The following PDGFC variants were observed in gnomAD, a reference collection of about 807,000 sequenced individuals.
PDGFC encodes platelet derived growth factor C, also known as platelet-derived growth factor C.
Under a neutral mutation model 35.5 loss-of-function variants are expected in PDGFC, and 12 were observed. That is an observed-to-expected ratio of 0.34 (90% CI 0.22 to 0.55). PDGFC has a LOEUF of 0.55. Ranked by LOEUF, PDGFC falls within the 20% of genes least tolerant of loss-of-function variation. PDGFC has a pLI of 0.91. For synonymous variants in PDGFC, 159 were observed against 148.8 expected (o/e 1.07, Z -0.50); for missense variants, 322 against 412.4 (o/e 0.78, Z 1.90).
rs184472312 is a variant in PDGFC, at chr4:156,939,656, C to T, written c.118+31130G>A. 2.0e-5 allele frequency among the ~76,000 whole-genome samples: 3 copies of T among 152,086 alleles called. No homozygotes were observed. In the East Asian group the frequency reaches 5.8e-4, roughly 29 times the overall value. On this transcript the variant is annotated intron_variant, in intron 1 of 5. Transcript: ENST00000502773. ...AAATTGTGGCTTGTTACATAAAATG[C>T]CTTTCAAAATCAAGTTGACATCAAT...
chr4:156,904,887 T>C (rs1297172086), intron 1 of PDGFC, among the ~76,000 whole-genome samples: 1 of 152,152 alleles, frequency 6.6e-6, no homozygotes, highest in East Asian at 1.9e-4. Context: ...AATTGATATG[T>C]TGTTTGCTGC....
At chr4:156,847,115 T>C (rs1181597497) in intron 2 of PDGFC, among the ~76,000 whole-genome samples, 2 of 151,734 alleles carry the variant, frequency 1.3e-5, no homozygotes, top group Non-Finnish European at 3.0e-5. Flanking sequence ...AAATAATATA[T>C]GCATATACCC....
chr4:156,895,457 C>T (rs1035401789), intron 1 of PDGFC, among the ~76,000 whole-genome samples: 3 of 151,848 alleles, frequency 2.0e-5, no homozygotes, highest in Admixed American at 1.3e-4. Context: ...ACATGGTAAA[C>T]CCCATCTCTA....
At chr4:156,815,597 G>C (rs1732066416) in intron 2 of PDGFC, among the ~76,000 whole-genome samples, 2 of 152,076 alleles carry the variant, frequency 1.3e-5, no homozygotes, top group Non-Finnish European at 2.9e-5. Context: ...AGAAAACAAT[G>C]ATGAAAAATG....
intron 1 of PDGFC, among the ~76,000 whole-genome samples, chr4:156,889,843 C>T (rs529180976): frequency 6.6e-6 from 1 of 152,130 alleles, no homozygotes; most frequent in South Asian, 2.1e-4. Flanking sequence ...AAATGGTAAC[C>T]CTGCAAGTCT....
rs765887781 is a variant in PDGFC at position 156,971,795 on chromosome 4, G to A, written c.-892C>T. Among the ~76,000 whole-genome samples, 5 of 151,990 alleles carry A rather than the reference G, an allele frequency of 3.3e-5. No individual in the cohort carries two copies. Among genetic ancestry groups the A allele is most frequent in the African/African-American group, 9.7e-5 (4 of 41,428 alleles). On this transcript the variant is annotated 5_prime_UTR_variant, in exon 1 of 6. Coordinates refer to ENST00000502773, the MANE Select transcript of PDGFC (RefSeq NM_016205.3). ...GGGGCTACGCGCGGCGTCTCCGCAC[G>A]GGGTGAAGAGGGAAGGCCGGGGCGG...
intron 1 of PDGFC, among the ~76,000 whole-genome samples, chr4:156,920,639 AAGAAAAC>A (rs1731250786): frequency 7.1e-6 from 1 of 140,672 alleles, no homozygotes; most frequent in Non-Finnish European, 1.5e-5. Flanking sequence ...TTAACAGGAA[AAGAAAAC>A]ACACACACAC....
chr4:156,911,608 T>C (rs1339417768), intron 1 of PDGFC, among the ~76,000 whole-genome samples: 1 of 152,142 alleles, frequency 6.6e-6, no homozygotes, highest in Admixed American at 6.5e-5. Context: ...AACCTCTAAG[T>C]GTTATATTAT....
At chr4:156,836,655 A>G (rs1729070393) in intron 2 of PDGFC, among the ~76,000 whole-genome samples, 1 of 152,208 alleles carries the variant, frequency 6.6e-6, no homozygotes, top group Admixed American at 6.5e-5. Context: ...AGTATGACCT[A>G]CATGAAATTG....
intron 3 of PDGFC, among the ~76,000 whole-genome samples, chr4:156,777,274 A>T (rs1730854859): frequency 6.6e-6 from 1 of 152,256 alleles, no homozygotes; most frequent in Non-Finnish European, 1.5e-5. Flanking sequence ...GTCCGTGCTT[A>T]GAAAACTGAT....
chr4:156,932,508 A>G (rs1359309469), intron 1 of PDGFC, among the ~76,000 whole-genome samples: 1 of 152,116 alleles, frequency 6.6e-6, no homozygotes, highest in East Asian at 1.9e-4. Flanking sequence ...AATGTACAAC[A>G]ATGATAGACT....
chr4:156,936,979 AC>A (rs1731697630), intron 1 of PDGFC, among the ~76,000 whole-genome samples: 1 of 152,220 alleles, frequency 6.6e-6, no homozygotes, highest in South Asian at 2.1e-4. Flanking sequence ...CATGACCAGA[AC>A]CAAATTTAAG....
intron 1 of PDGFC, among the ~76,000 whole-genome samples, chr4:156,909,817 T>G (rs1317862953): frequency 6.6e-6 from 1 of 152,166 alleles, no homozygotes; most frequent in African/African-American, 2.4e-5. Context: ...AAATAATGTC[T>G]TTTCAGATTC....
At chr4:156,794,859 C>T (rs936079472) in intron 3 of PDGFC, among the ~76,000 whole-genome samples, 1 of 152,100 alleles carries the variant, frequency 6.6e-6, no homozygotes, top group African/African-American at 2.4e-5. Context: ...AGACACGTTA[C>T]CAATCACCTC....
intron 1 of PDGFC, chr4:156,861,567 T>C: frequency 4.2e-6 from 2 of 472,856 alleles, no homozygotes; most frequent in South Asian, 3.6e-5. Context: ...GAATCTTCAA[T>C]TTCAGATTTT....
At chr4:156,794,381 G>A (rs1466611574) in intron 3 of PDGFC, among the ~76,000 whole-genome samples, 2 of 152,084 alleles carry the variant, frequency 1.3e-5, no homozygotes, top group Non-Finnish European at 2.9e-5. Flanking sequence ...CTTTCCTAAA[G>A]AAGCATTAGA....
At position 156,762,642 on chromosome 4, in the gene PDGFC, AT is replaced by A. The variant is rs1259924846; in HGVS notation, c.*447del. On this transcript the variant is annotated 3_prime_UTR_variant, in exon 6 of 6. Transcript: ENST00000502773. Reference sequence around the variant, plus strand: ...AATATGAGCAAAAAAAAAAAAAAAAATCCAGATTTTATACGATTTTAGGCCC... The same window carrying A: ...AATATGAGCAAAAAAAAAAAAAAAAACCAGATTTTATACGATTTTAGGCCC... 2.6e-5 allele frequency: 4 copies of A among 152,146 alleles called. No individual in the cohort carries two copies. Among genetic ancestry groups the A allele is most frequent in the African/African-American group, 9.8e-5 (4 of 40,790 alleles). 9.4% of individuals were successfully genotyped at this position (152,146 alleles called of 1,614,324 possible).
chr4:156,932,507 CAAT>C (rs1298863010), intron 1 of PDGFC, among the ~76,000 whole-genome samples: 16 of 151,948 alleles, frequency 1.1e-4, no homozygotes, highest in Non-Finnish European at 1.0e-4. Flanking sequence ...AAATGTACAA[CAAT>C]GATAGACTGG....
intron 1 of PDGFC, among the ~76,000 whole-genome samples, chr4:156,855,773 T>C (rs1248440240): frequency 1.3e-5 from 2 of 152,182 alleles, no homozygotes; most frequent in African/African-American, 4.8e-5. Flanking sequence ...TATTTCTGCA[T>C]CTGCTTTCAA....
Sources: gnomAD v4.1 joint callset for allele counts (sites outside exome capture counted in the v4.1 genomes callset) on GRCh38, gnomAD v4.1.1 for gene constraint, MANE v1.5 for transcripts, NCBI Gene and HGNC (gene_info 2026-07-23, HGNC 2026-07-21) for gene names.